RSPH6A: variants seen among roughly 807,000 people sequenced by gnomAD.
RSPH6A encodes the protein radial spoke head 6 homolog A, also known as radial spoke head protein 6 homolog A.
RSPH6A carries 49 observed loss-of-function variants against 66.1 expected under a neutral mutation model. That is an observed-to-expected ratio of 0.74 (90% CI 0.59 to 0.94). RSPH6A has a LOEUF of 0.94. Among genes scored for constraint, RSPH6A ranks in the 40% least tolerant of loss-of-function variants. The pLI is 0.00. For missense variants in RSPH6A, 977 were observed against 948.3 expected, an observed-to-expected ratio of 1.03 and a Z score of -0.40; for synonymous variants, 419 against 402.4, an observed-to-expected ratio of 1.04 and a Z score of -0.49.
At chr19:45,814,358 TG>T (rs1166020654) in intron 1 of RSPH6A, among the ~76,000 whole-genome samples, 168 bp downstream of exon 1, 1 of 152,220 alleles carries the variant, frequency 6.6e-6, no homozygotes, top group Non-Finnish European at 1.5e-5. Flanking sequence ...AGCACATGTC[TG>T]GGAAGTGAAT....
chr19:45,815,125 G>T lies in RSPH6A; in HGVS notation c.52C>A (p.Arg18=), dbSNP rs770944981. Residue 18 remains arginine (R), a synonymous_variant, in exon 1 of 6, where the codon CGG becomes AGG. Transcript: ENST00000221538. ...PERPAQQPPG[R]RTSQASQRRH... ...CTCTGGGAGGCCTGAGAAGTCCTCC[G>T]GCCCGGAGGCTGCTGGGCAGGGCGC... 1.2e-6 allele frequency: 2 copies of T among 1,611,756 alleles called. No individual in the cohort carries two copies. Among genetic ancestry groups the T allele is most frequent in the South Asian group, 2.2e-5 (2 of 91,058 alleles).
At chr19:45,810,884 T>G (rs1344976098) in intron 1 of RSPH6A, 44 bp from the exon 2 acceptor site, 1 of 1,517,954 alleles carries the variant, frequency 6.6e-7, no homozygotes, top group Non-Finnish European at 9.0e-7. Flanking sequence ...CCTCACTCAC[T>G]CAGCTCACTG....
chr19:45,815,256 C>A lies in RSPH6A; in HGVS notation c.-80G>T. On this transcript the variant is annotated 5_prime_UTR_variant, in exon 1 of 6. Coordinates refer to ENST00000221538, the MANE Select transcript of RSPH6A (RefSeq NM_030785.4). Reference sequence around the variant, plus strand: ...AGCGAGAGCCACCTGTCGACACCGCCGGTTTCTGAGCACCGAGAGAGGGGG... The same window carrying A: ...AGCGAGAGCCACCTGTCGACACCGCAGGTTTCTGAGCACCGAGAGAGGGGG... 1 of 1,402,140 alleles carries A rather than the reference C, an allele frequency of 7.1e-7. No individual in the cohort carries two copies. Among genetic ancestry groups the A allele is most frequent in the Non-Finnish European group, 9.4e-7 (1 of 1,062,840 alleles). 86.9% of individuals were successfully genotyped at this position (1,402,140 alleles called of 1,614,324 possible).
At chr19:45,805,946 G>C (rs554747807) in intron 2 of RSPH6A, among the ~76,000 whole-genome samples, 4 of 152,194 alleles carry the variant, frequency 2.6e-5, no homozygotes, top group Non-Finnish European at 5.9e-5. Flanking sequence ...ACACATGGGA[G>C]ACAAAGTACT....
At position 45,808,859 on chromosome 19, in the gene RSPH6A, G is replaced by T. The variant is rs996995087; in HGVS notation, c.888+1744C>A. 7.9e-5 allele frequency among the ~76,000 whole-genome samples: 12 copies of T among 151,062 alleles called. 1 individual carries two copies. The highest frequency in any genetic ancestry group is 3.3e-4 in the Admixed American group (5 of 15,200). ...TTTTTGTATTTTTAGTAGAGACGGG[G>T]TTTCACCGTGTTAGCCAGGATGGTC... On this transcript the variant is annotated intron_variant, in intron 2 of 5. Transcript: ENST00000221538.
chr19:45,815,060 G>A lies in RSPH6A; in HGVS notation c.117C>T (p.Asp39=). 1.9e-6 allele frequency: 3 copies of A among 1,613,598 alleles called. No homozygotes were observed. The highest frequency in any genetic ancestry group is 1.1e-5 in the South Asian group (1 of 91,080). ...SRDQAQALAA[D]PEERQQIPPD... Reference sequence around the variant, plus strand: ...GAGGTATCTGCTGCCTCTCCTCGGGGTCCGCTGCCAGGGCCTGAGCTTGGT... The same window carrying A: ...GAGGTATCTGCTGCCTCTCCTCGGGATCCGCTGCCAGGGCCTGAGCTTGGT... Residue 39 remains aspartate (D), a synonymous_variant, in exon 1 of 6, where the codon GAC becomes GAT. Transcript: ENST00000221538.
At chr19:45,802,341 C>T (rs1970484440) in intron 3 of RSPH6A, 77 bp from the exon 4 acceptor site, 2 of 1,259,370 alleles carry the variant, frequency 1.6e-6, no homozygotes, top group East Asian at 3.1e-5. Context: ...AGGTGAAGGG[C>T]CAACAGGCAT....
chr19:45,815,279 G>T lies in RSPH6A; in HGVS notation c.-103C>A, dbSNP rs1970694412. ...GCCGGTTTCTGAGCACCGAGAGAGGGGGCCGTTACCCGTGGAGGGCGCGGG... is the reference window on the plus strand; with the variant it reads ...GCCGGTTTCTGAGCACCGAGAGAGGTGGCCGTTACCCGTGGAGGGCGCGGG... On this transcript the variant is annotated 5_prime_UTR_variant, in exon 1 of 6. Transcript: ENST00000221538. 1.2e-5 allele frequency: 16 copies of T among 1,319,344 alleles called. No homozygotes were observed. The South Asian group carries it at 2.4e-4, about 20-fold the overall frequency. The allele number at this position is 1,319,344 out of a possible 1,614,324, so 81.7% of individuals were successfully genotyped here. A position where few individuals can be genotyped will look rare whatever the true frequency, so the allele number is the denominator to read the frequency against.
At position 45,804,978 on chromosome 19, in the gene RSPH6A, GAA is replaced by G. The variant is rs1341173129; in HGVS notation, c.925_926del (p.Phe309LeufsTer96). ...TPVPNIMETAFYFEQAGVGLS... is the reference protein window; with the variant it reads ...TPVPNIMETAXYFEQAGVGLS... ...GGCCGACGCCGGCCTGCTCGAAGTAGAAGGCAGTCTCCATGATGTTGGGCACT... is the reference window on the plus strand; with the variant it reads ...GGCCGACGCCGGCCTGCTCGAAGTAGGGCAGTCTCCATGATGTTGGGCACT... On this transcript the variant is annotated frameshift_variant, in exon 3 of 6. Coordinates refer to ENST00000221538, the MANE Select transcript of RSPH6A (RefSeq NM_030785.4). LOFTEE classifies it high-confidence loss of function. This position sits in a 1 kb window ranked among gnomAD's most constrained non-coding sequence, Gnocchi z 5.8. 1.2e-6 allele frequency: 2 copies of G among 1,613,254 alleles called. No individual in the cohort carries two copies. The highest frequency in any genetic ancestry group is 1.3e-5 in the African/African-American group (1 of 74,940).
chr19:45,804,111 T>C lies in RSPH6A; in HGVS notation c.1653+141A>G, dbSNP rs569208266. The stretch of plus-strand genomic sequence containing the variant: ...GATGGGATTATCCGCTAATATCTGT[T>C]GAACCAATGAATGGATGGATGAATG... On this transcript the variant is annotated intron_variant, in intron 3 of 5. Coordinates refer to ENST00000221538, the MANE Select transcript of RSPH6A (RefSeq NM_030785.4). This position sits in a 1 kb window ranked among gnomAD's most constrained non-coding sequence, Gnocchi z 5.8. 9 of 670,494 alleles carry C rather than the reference T, an allele frequency of 1.3e-5. No homozygotes were observed. The South Asian group carries it at 1.7e-4, about 13-fold the overall frequency. 41.5% of individuals were successfully genotyped at this position (670,494 alleles called of 1,614,324 possible). A position where few individuals can be genotyped will look rare whatever the true frequency, so the allele number is the denominator to read the frequency against.
rs765702412 is a variant in RSPH6A, at chr19:45,800,467, GC to G, written c.1894del (p.Ala632ProfsTer47). Reference sequence around the variant, plus strand: ...CTACTTGCCACTGGCATAGGCATAGGCCCCGGGCCAGAGGTTGGAGCGCACA... The same window carrying G: ...CTACTTGCCACTGGCATAGGCATAGGCCCGGGCCAGAGGTTGGAGCGCACA... ...AVVRSNLWPGAYAYASGKKFE... is the reference protein window; with the variant it reads ...AVVRSNLWPGXYAYASGKKFE... On this transcript the variant is annotated frameshift_variant, in exon 5 of 6. Transcript: ENST00000221538. LOFTEE classifies it high-confidence loss of function. 3 of 1,612,938 alleles carry G rather than the reference GC, an allele frequency of 1.9e-6. 1 individual carries two copies. The highest frequency in any genetic ancestry group is 2.5e-6 in the Non-Finnish European group (3 of 1,179,800).
At chr19:45,802,000 G>T in intron 4 of RSPH6A, 120 bp downstream of exon 4, 3 of 1,047,648 alleles carry the variant, frequency 2.9e-6, no homozygotes, top group South Asian at 3.8e-5. Flanking sequence ...TTTTAGCTGA[G>T]AGAGCCTCTG....
rs901115877 is a variant in RSPH6A at position 45,810,782 on chromosome 19, A to G, written c.709T>C (p.Leu237=). The G allele has an allele frequency of 6.2e-7, 1 of 1,613,846 alleles. No individual in the cohort carries two copies. The highest frequency in any genetic ancestry group is 1.3e-5 in the African/African-American group (1 of 75,016). ...CGGTTCAGAGACTCCAGGACAGACA[A>G]GGGGTCCTCAGGCCGCTGGTTCAGG... ...KILNQRPEDP[L]SVLESLNRTT... Residue 237 remains leucine (L), a synonymous_variant, in exon 2 of 6, where the codon TTG becomes CTG. Coordinates refer to ENST00000221538, the MANE Select transcript of RSPH6A (RefSeq NM_030785.4).
At chr19:45,813,055 G>A (rs968892140) in intron 1 of RSPH6A, among the ~76,000 whole-genome samples, 2 of 152,086 alleles carry the variant, frequency 1.3e-5, no homozygotes, top group African/African-American at 4.8e-5. Context: ...TGTGGGCAAT[G>A]GGGAGCCATA....
chr19:45,797,251 G>A (rs1398798317), intron 5 of RSPH6A, among the ~76,000 whole-genome samples: 3 of 151,570 alleles, frequency 2.0e-5, no homozygotes, highest in Non-Finnish European at 2.9e-5. Context: ...GTGGTGGCAG[G>A]CGCCTGTAGT....
At chr19:45,810,284 C>G (rs1055780377) in intron 2 of RSPH6A, among the ~76,000 whole-genome samples, 1 of 152,052 alleles carries the variant, frequency 6.6e-6, no homozygotes, top group African/African-American at 2.4e-5. Flanking sequence ...CATTCTCCTG[C>G]CTCAGCCTCC....
At chr19:45,808,468 C>T (rs1306169400) in intron 2 of RSPH6A, among the ~76,000 whole-genome samples, 1 of 151,830 alleles carries the variant, frequency 6.6e-6, no homozygotes, top group African/African-American at 2.4e-5. Flanking sequence ...TGGCGGGCAC[C>T]TGTAATCCCA....
intron 2 of RSPH6A, 77 bp downstream of exon 2, chr19:45,810,526 T>C: frequency 1.5e-6 from 2 of 1,374,058 alleles, no homozygotes; most frequent in Non-Finnish European, 2.1e-6. Flanking sequence ...CCTCCAGGCC[T>C]TGGCACAGGC....
At chr19:45,801,793 CCACA>C (rs35295101) in intron 4 of RSPH6A, among the ~76,000 whole-genome samples, 4 of 149,702 alleles carry the variant, frequency 2.7e-5, no homozygotes, top group East Asian at 3.9e-4. Context: ...ACCACCACCA[CCACA>C]CACACACACA....
Sources: gnomAD v4.1 joint callset for allele counts (sites outside exome capture counted in the v4.1 genomes callset) on GRCh38, gnomAD v4.1.1 for gene constraint, Gnocchi (gnomAD v3.1) non-coding constraint, MANE v1.5 for transcripts, NCBI Gene and HGNC (gene_info 2026-07-23, HGNC 2026-07-21) for gene names.